The following KNL1 variants were observed in gnomAD, a reference collection of about 807,000 sequenced individuals.
The protein encoded by KNL1 is outer kinetochore KNL1 complex subunit KNL1.
A neutral mutation model predicts 201.3 loss-of-function variants in KNL1; 66 were observed. The observed-to-expected ratio is 0.33, with a 90% CI of 0.27 to 0.40. KNL1 has a LOEUF of 0.40. Ranked by LOEUF, KNL1 falls within the 10% of genes least tolerant of loss-of-function variation. The probability of loss-of-function intolerance (pLI) is 1.00; values close to 1 mark genes in which losing one functional copy is unlikely to be tolerated. For missense variants in KNL1, 2,815 were observed against 2,690.5 expected, an observed-to-expected ratio of 1.05 and a Z score of -1.02; for synonymous variants, 895 against 899.2, an observed-to-expected ratio of 1.00 and a Z score of 0.08.
chr15:40,619,504 C>T (rs557559209), intron 9 of KNL1, among the ~76,000 whole-genome samples: 2 of 152,100 alleles, frequency 1.3e-5, no homozygotes, highest in South Asian at 2.1e-4. Context: ...TGGGCTGAAG[C>T]GATCCTCCCA....
Position 40,622,006 on chromosome 15 carries a change from A to G in KNL1, c.1742A>G (p.Asn581Ser), listed in dbSNP as rs1382932589. Residue 581 changes from asparagine to serine, a missense_variant, in exon 10 of 26, where the codon AAC becomes AGC. Asn to Ser is a conservative substitution (Grantham distance 46). Around this residue, in one of 3 missense-constraint regions of KNL1, gnomAD observed 2,464 missense variants for 2,291.7 expected, o/e 1.08. Coordinates refer to ENST00000399668, the MANE Select transcript of KNL1 (RefSeq NM_144508.5). ...NMDLTESHTS[N>S]LGSQVPLAAY... ...GATTTGACTGAAAGTCACACAAGTA[A>G]CTTAGGAAGTCAGGTTCCTCTTGCA... 2 of 1,613,958 alleles carry G rather than the reference A, an allele frequency of 1.2e-6. No individual in the cohort carries two copies. The highest frequency in any genetic ancestry group is 8.5e-7 in the Non-Finnish European group (1 of 1,179,974).
intron 9 of KNL1, among the ~76,000 whole-genome samples, chr15:40,619,378 T>TC (rs1892443805): frequency 7.4e-6 from 1 of 134,360 alleles, no homozygotes; most frequent in Non-Finnish European, 1.6e-5. Context: ...ATATATATAT[T>TC]TTAGGCTATC....
rs547131565 is a variant in KNL1 at position 40,621,510 on chromosome 15, A to G, written c.1246A>G (p.Ile416Val). The change falls in exon 10 of 26, where the codon ATA (isoleucine) becomes GTA (valine). Residue 416 changes from isoleucine to valine, a missense_variant. This residue lies in a region of KNL1 where 2,464 missense variants were observed against 2,291.7 expected (regional missense o/e 1.08). Coordinates refer to ENST00000399668, the MANE Select transcript of KNL1 (RefSeq NM_144508.5). ...AATATTAGCCATGACCCCAGAATCT[A>G]TATATTCTAATCCATCTATTCAAGG... ...ARILAMTPES[I>V]YSNPSIQGCK... The G allele has an allele frequency of 2.5e-5, 41 of 1,613,882 alleles. No individual in the cohort carries two copies. In the South Asian group the frequency reaches 3.4e-4, roughly 13 times the overall value.
intron 17 of KNL1, among the ~76,000 whole-genome samples, 177 bp downstream of exon 17, chr15:40,647,251 G>A (rs1476575643): frequency 6.6e-6 from 1 of 152,094 alleles, no homozygotes; most frequent in Non-Finnish European, 1.5e-5. Context: ...AAGCCGGGCG[G>A]ATCACCTGAG....
At chr15:40,601,902 C>G in intron 1 of KNL1, among the ~76,000 whole-genome samples, 1 of 107,834 alleles carries the variant, frequency 9.3e-6, no homozygotes, top group African/African-American at 3.4e-5. Flanking sequence ...GATTCTCGCT[C>G]TGTCGCCCAG....
rs767136354 is a variant in KNL1 at position 40,651,555 on chromosome 15, G to A, written c.6297G>A (p.Glu2099=). 1 of 1,607,410 alleles carries A rather than the reference G, an allele frequency of 6.2e-7. No homozygotes were observed. Among genetic ancestry groups the A allele is most frequent in the East Asian group, 2.2e-5 (1 of 44,634 alleles). Residue 2099 remains glutamate (E), a synonymous_variant, in exon 20 of 26, where the codon GAG becomes GAA. Coordinates refer to ENST00000399668, the MANE Select transcript of KNL1 (RefSeq NM_144508.5). ...FMQKQRNRTE[E]LLDQLSLSEW... The stretch of plus-strand genomic sequence containing the variant: ...AAAAACAAAGAAATAGAACTGAAGA[G>A]CTACTGGATCAGTTGAGGTAAGGAA...
chr15:40,631,678 G>A (rs1378116117), intron 13 of KNL1, among the ~76,000 whole-genome samples: 1 of 151,984 alleles, frequency 6.6e-6, no homozygotes, highest in African/African-American at 2.4e-5. Context: ...TAGGTAAAAA[G>A]TAGAGCTAAT....
intron 14 of KNL1, among the ~76,000 whole-genome samples, chr15:40,642,388 C>T (rs900287947): frequency 1.3e-5 from 2 of 148,554 alleles, no homozygotes; most frequent in Non-Finnish European, 3.0e-5. Flanking sequence ...GGCCAAAGAG[C>T]GAGACTCTGT....
In KNL1 at chr15:40,625,373, G is replaced by A. The variant is rs1417475815; in HGVS notation, c.5109G>A (p.Leu1703=). 3 of 1,613,906 alleles carry A rather than the reference G, an allele frequency of 1.9e-6. No individual in the cohort carries two copies. Residue 1703 remains leucine, a synonymous_variant, in exon 10 of 26, where the codon CTG becomes CTA. Transcript: ENST00000399668. ...GCATTGGATCTGTTGCAGGTAAACT[G>A]AACCTAAGTCCTTCTCAATATATAA... ...DSGIGSVAGK[L]NLSPSQYINE... is the part of the protein sequence containing the mutation.
At chr15:40,654,070 T>G (rs1172525893) in intron 21 of KNL1, among the ~76,000 whole-genome samples, 1 of 152,214 alleles carries the variant, frequency 6.6e-6, no homozygotes, top group Non-Finnish European at 1.5e-5. Flanking sequence ...GGGCACAGGT[T>G]GAGTATGCTG....
chr15:40,611,873 G>A (rs11854763), intron 7 of KNL1, among the ~76,000 whole-genome samples: 119,333 of 152,038 alleles, frequency 0.78, 47,823 homozygotes, highest in Non-Finnish European at 0.85. Context: ...GAGAAGTACA[G>A]ATTTGATTAT....
intron 1 of KNL1, among the ~76,000 whole-genome samples, chr15:40,596,010 C>T (rs1256290102): frequency 6.6e-6 from 1 of 151,934 alleles, no homozygotes; most frequent in African/African-American, 2.4e-5. Context: ...GCCTTGTTTT[C>T]TACAATCCAT....
chr15:40,641,714 A>C (rs993139555), intron 14 of KNL1, among the ~76,000 whole-genome samples: 3 of 152,222 alleles, frequency 2.0e-5, no homozygotes, highest in African/African-American at 7.2e-5. Flanking sequence ...CTTATATCCA[A>C]ATAGTCCAAA....
chr15:40,650,708 C>CT, intron 19 of KNL1, 125 bp downstream of exon 19: 2 of 799,858 alleles, frequency 2.5e-6, no homozygotes, highest in Non-Finnish European at 3.7e-6. Flanking sequence ...CTCAGGGCTT[C>CT]TCCACTTTGA....
intron 13 of KNL1, among the ~76,000 whole-genome samples, chr15:40,632,118 G>A (rs1401356821): frequency 6.6e-6 from 1 of 151,968 alleles, no homozygotes; most frequent in African/African-American, 2.4e-5. Flanking sequence ...GCGCACAGTG[G>A]CTGGTGTCTG....
At chr15:40,628,750 G>A (rs965153039) in intron 12 of KNL1, 72 bp downstream of exon 12, 6 of 965,252 alleles carry the variant, frequency 6.2e-6, no homozygotes, top group Admixed American at 2.5e-5. Flanking sequence ...TCTAATACAC[G>A]TAATATTCTT....
In KNL1 at chr15:40,624,585, C is replaced by T. The variant is rs374209672; in HGVS notation, c.4321C>T (p.Pro1441Ser). ...CTATGTTGATGACATTTATGTTATT[C>T]CTCAGCCTCATTTCTCAACCGACCA... ...KVYVDDIYVI[P>S]QPHFSTDQPP... Residue 1441 changes from proline to serine, a missense_variant, in exon 10 of 26, where the codon CCT (proline) becomes TCT (serine). Transcript: ENST00000399668. The T allele has an allele frequency of 1.2e-6, 2 of 1,613,642 alleles. No individual in the cohort carries two copies. Among genetic ancestry groups the T allele is most frequent in the Non-Finnish European group, 1.7e-6 (2 of 1,179,788 alleles).
chr15:40,623,271 G>C lies in KNL1; in HGVS notation c.3007G>C (p.Gly1003Arg). The C allele has an allele frequency of 6.2e-7, 1 of 1,613,908 alleles. No homozygotes were observed. Among genetic ancestry groups the C allele is most frequent in the Non-Finnish European group, 8.5e-7 (1 of 1,179,880 alleles). Residue 1003 changes from glycine (G) to arginine (R), a missense_variant, in exon 10 of 26, where the codon GGT becomes CGT. Physicochemically the swap from Gly to Arg is moderately radical, Grantham distance 125. Around this residue, in one of 3 missense-constraint regions of KNL1, gnomAD observed 2,464 missense variants for 2,291.7 expected, o/e 1.08. Coordinates refer to ENST00000399668, the MANE Select transcript of KNL1 (RefSeq NM_144508.5). ...TEESVFFPGNGESDRLVANDS... is the reference protein window; with the variant it reads ...TEESVFFPGNRESDRLVANDS... Reference sequence around the variant, plus strand: ...GGAGAGTGTTTTCTTTCCAGGAAATGGTGAAAGTGACCGTCTAGTAGCAAA... The same window carrying C: ...GGAGAGTGTTTTCTTTCCAGGAAATCGTGAAAGTGACCGTCTAGTAGCAAA...
intron 14 of KNL1, among the ~76,000 whole-genome samples, chr15:40,644,524 G>A (rs968183530): frequency 6.6e-5 from 10 of 152,016 alleles, no homozygotes; most frequent in East Asian, 1.9e-4. Flanking sequence ...GACCATTTAC[G>A]GGTGTCGGGC....
Sources: gnomAD v4.1 joint callset for allele counts (sites outside exome capture counted in the v4.1 genomes callset) on GRCh38, gnomAD v4.1.1 for gene constraint, gnomAD v4.1.1 regional missense constraint, MANE v1.5 for transcripts, NCBI Gene and HGNC (gene_info 2026-07-23, HGNC 2026-07-21) for gene names.